ITPRIP: variants seen among roughly 807,000 people sequenced by gnomAD.
ITPRIP encodes inositol 1,4,5-trisphosphate receptor-interacting protein.
A neutral mutation model predicts 35.8 loss-of-function variants in ITPRIP; 32 were observed. The ratio of observed to expected loss-of-function variants is 0.89; its 90% CI spans 0.68 to 1.20. The LOEUF is 1.20. ITPRIP is among the 50% of genes most tolerant of loss of function. The pLI is 0.00. For synonymous variants in ITPRIP, 358 were observed against 324.0 expected (o/e 1.11, Z -1.13); for missense variants, 653 against 735.6 (o/e 0.89, Z 1.30).
intron 1 of ITPRIP, among the ~76,000 whole-genome samples, chr10:104,329,160 A>G (rs548989695): frequency 6.6e-6 from 1 of 152,140 alleles, no homozygotes; most frequent in South Asian, 2.1e-4. Flanking sequence ...CACAAAGACA[A>G]AGGGGAGGCC....
intron 1 of ITPRIP, among the ~76,000 whole-genome samples, chr10:104,331,652 G>C (rs942278887): frequency 6.6e-6 from 1 of 152,220 alleles, no homozygotes; most frequent in Non-Finnish European, 1.5e-5. Flanking sequence ...TAATTGCGGG[G>C]CTTTGTATTT....
rs1390822083 is a variant in ITPRIP, at chr10:104,314,138, T to C, written c.*270A>G. On this transcript the variant is annotated 3_prime_UTR_variant, in exon 2 of 2. Coordinates refer to ENST00000337478, the MANE Select transcript of ITPRIP (RefSeq NM_001272013.2). ...GCGTGTTCTGCCACCATCTTGGCCA[T>C]TCATGGTGATCCAGAAGTAAACTGC... 5.7e-6 allele frequency: 7 copies of C among 1,238,416 alleles called. No individual in the cohort carries two copies. In the African/African-American group the frequency reaches 1.1e-4, roughly 19 times the overall value. 76.7% of individuals were successfully genotyped at this position (1,238,416 alleles called of 1,614,324 possible). A position where few individuals can be genotyped will look rare whatever the true frequency, so the allele number is the denominator to read the frequency against.
chr10:104,317,114 G>A (rs1382103752), intron 1 of ITPRIP, among the ~76,000 whole-genome samples: 1 of 152,166 alleles, frequency 6.6e-6, no homozygotes, highest in Non-Finnish European at 1.5e-5. Context: ...TTTCTGACCT[G>A]GAAGACCTTA....
chr10:104,314,193 G>C lies in ITPRIP; in HGVS notation c.*215C>G. The C allele has an allele frequency of 2.2e-6, 3 of 1,369,398 alleles. No homozygotes were observed. The highest frequency in any genetic ancestry group is 2.8e-6 in the Non-Finnish European group (3 of 1,064,166). 84.8% of individuals were successfully genotyped at this position (1,369,398 alleles called of 1,614,324 possible). On this transcript the variant is annotated 3_prime_UTR_variant, in exon 2 of 2. Coordinates refer to ENST00000337478, the MANE Select transcript of ITPRIP (RefSeq NM_001272013.2). ...GATCAGTCCCTAAACCCAAATAACA[G>C]CTTTACCAGCAGATCCCAATGGTAT... is the stretch of plus-strand genomic sequence containing the variant.
At chr10:104,337,034 A>C (rs2014250173) in intron 1 of ITPRIP, among the ~76,000 whole-genome samples, 1 of 152,194 alleles carries the variant, frequency 6.6e-6, no homozygotes, top group South Asian at 2.1e-4. Context: ...GAGCAGCCGC[A>C]ACATACAGGG....
chr10:104,311,856 G>A lies in ITPRIP; in HGVS notation c.*2552C>T, dbSNP rs189922344. On this transcript the variant is annotated 3_prime_UTR_variant, in exon 2 of 2. Transcript: ENST00000337478. ...GTTAGTTCCAGCTCCTATATTTCTC[G>A]CTGACATTAGCTCTGTGAAATAAGG... is the stretch of plus-strand genomic sequence containing the variant. 4 of 152,208 alleles carry A rather than the reference G, an allele frequency of 2.6e-5. No individual in the cohort carries two copies. The highest frequency in any genetic ancestry group is 4.1e-4 in the South Asian group (2 of 4,830). The allele number at this position is 152,208 out of a possible 1,614,324, so 9.4% of individuals were successfully genotyped here. A position where few individuals can be genotyped will look rare whatever the true frequency, so the allele number is the denominator to read the frequency against.
intron 1 of ITPRIP, among the ~76,000 whole-genome samples, chr10:104,317,744 C>T (rs1043673395): frequency 2.0e-4 from 31 of 152,316 alleles, no homozygotes; most frequent in African/African-American, 6.7e-4. Flanking sequence ...GGCTTGAGCC[C>T]GACCTGGAAT....
At chr10:104,317,332 A>C (rs932217739) in intron 1 of ITPRIP, among the ~76,000 whole-genome samples, 1 of 152,166 alleles carries the variant, frequency 6.6e-6, no homozygotes. Context: ...TAATCCCTAC[A>C]ATCTTTGCAA....
intron 1 of ITPRIP, among the ~76,000 whole-genome samples, chr10:104,324,202 A>G (rs563163488): frequency 1.4e-4 from 22 of 152,172 alleles, no homozygotes; most frequent in Non-Finnish European, 2.4e-4. Flanking sequence ...ATTGGCTCCC[A>G]TCCTTCCAGG....
At chr10:104,337,922 T>A (rs892166204) in intron 1 of ITPRIP, among the ~76,000 whole-genome samples, 11 of 152,160 alleles carry the variant, frequency 7.2e-5, no homozygotes, top group African/African-American at 2.4e-4. Context: ...AAAAATGTGG[T>A]CCCGCTCTGG....
At chr10:104,332,239 C>G (rs920169749) in intron 1 of ITPRIP, among the ~76,000 whole-genome samples, 6 of 151,928 alleles carry the variant, frequency 3.9e-5, no homozygotes, top group African/African-American at 7.3e-5. Context: ...TTTAATAAGG[C>G]CATTCTACTT....
At chr10:104,319,392 G>A (rs929086778) in intron 1 of ITPRIP, among the ~76,000 whole-genome samples, 5 of 152,124 alleles carry the variant, frequency 3.3e-5, no homozygotes, top group African/African-American at 9.7e-5. Flanking sequence ...ACACACGCTC[G>A]AAAGTGCTCT....
rs778256637 is a variant in ITPRIP, at chr10:104,313,203, T to C, written c.*1205A>G. 1.0e-6 allele frequency: 1 copy of C among 985,446 alleles called. No homozygotes were observed. The highest frequency in any genetic ancestry group is 1.2e-6 in the Non-Finnish European group (1 of 830,058). The allele number at this position is 985,446 out of a possible 1,614,324, so 61.0% of individuals were successfully genotyped here. A position where few individuals can be genotyped will look rare whatever the true frequency, so the allele number is the denominator to read the frequency against. On this transcript the variant is annotated 3_prime_UTR_variant, in exon 2 of 2. Coordinates refer to ENST00000337478, the MANE Select transcript of ITPRIP (RefSeq NM_001272013.2). Reference sequence around the variant, plus strand: ...TTCCATGCACACCCTGCCCTAGGATTGGGACCCTGAGGACAACCTGGGGCT... The same window carrying C: ...TTCCATGCACACCCTGCCCTAGGATCGGGACCCTGAGGACAACCTGGGGCT...
intron 1 of ITPRIP, among the ~76,000 whole-genome samples, chr10:104,324,985 A>G (rs1171825526): frequency 6.6e-6 from 1 of 152,222 alleles, no homozygotes; most frequent in Non-Finnish European, 1.5e-5. Flanking sequence ...TGGAAGGCTG[A>G]GGCAGATGGA....
chr10:104,316,018 C>T lies in ITPRIP; in HGVS notation c.34G>A (p.Val12Met). 1 of 1,602,908 alleles carries T rather than the reference C, an allele frequency of 6.2e-7. No homozygotes were observed. Among genetic ancestry groups the T allele is most frequent in the South Asian group, 1.1e-5 (1 of 90,028 alleles). ...AMGLFRVCLV[V>M]VTAIINHPLL... is the part of the protein sequence containing the mutation. ...GGGTGGTTGATGATGGCCGTCACCA[C>T]CACCAGACACACGCGGAAGAGCCCC... Residue 12 changes from valine to methionine, a missense_variant, in exon 2 of 2, where the codon GTG becomes ATG. Val to Met is a conservative substitution (Grantham distance 21). Coordinates refer to ENST00000337478, the MANE Select transcript of ITPRIP (RefSeq NM_001272013.2).
At position 104,328,940 on chromosome 10, in the gene ITPRIP, C is replaced by A. The variant is rs1261563337; in HGVS notation, c.-14+9306G>T. 1 of 152,184 alleles carries A rather than the reference C, an allele frequency of 6.6e-6. No homozygotes were observed. Among genetic ancestry groups the A allele is most frequent in the Non-Finnish European group, 1.5e-5 (1 of 68,100 alleles). 9.4% of individuals were successfully genotyped at this position (152,184 alleles called of 1,614,324 possible). A position where few individuals can be genotyped will look rare whatever the true frequency, so the allele number is the denominator to read the frequency against. On this transcript the variant is annotated intron_variant, in intron 1 of 1. Transcript: ENST00000337478. The surrounding 1 kb of genome is among the most constrained non-coding windows in gnomAD (Gnocchi z 4.1). ...CAGACTGTTCTTCTACCCGAGTCCCCCTGCGGCTTAGGCGGTACCTGACAC... is the reference window on the plus strand; with the variant it reads ...CAGACTGTTCTTCTACCCGAGTCCCACTGCGGCTTAGGCGGTACCTGACAC...
intron 1 of ITPRIP, among the ~76,000 whole-genome samples, chr10:104,323,124 A>T (rs1015426016): frequency 2.0e-5 from 3 of 152,200 alleles, no homozygotes; most frequent in Non-Finnish European, 4.4e-5. Context: ...GGAGTAGAAG[A>T]GGCAGGCTGG....
At chr10:104,321,172 CCTCTACCAGG>C (rs1335430276) in intron 1 of ITPRIP, among the ~76,000 whole-genome samples, 1 of 152,194 alleles carries the variant, frequency 6.6e-6, no homozygotes, top group Non-Finnish European at 1.5e-5. Flanking sequence ...AAAGTTCTCA[CCTCTACCAGG>C]CTCTCCCGCA....
intron 1 of ITPRIP, among the ~76,000 whole-genome samples, chr10:104,337,661 G>A (rs1225936855): frequency 2.6e-5 from 4 of 152,136 alleles, no homozygotes; most frequent in Non-Finnish European, 5.9e-5. Context: ...AGTCTGCACA[G>A]CGTGAGGTCT....
Sources: allele counts gnomAD v4.1 joint callset (sites outside exome capture counted in the v4.1 genomes callset), GRCh38; gene constraint gnomAD v4.1.1; non-coding constraint Gnocchi (gnomAD v3.1); transcripts MANE v1.5; gene names NCBI Gene and HGNC (gene_info 2026-07-23, HGNC 2026-07-21).